LDLRAD3: variants seen among roughly 807,000 people sequenced by gnomAD.
LDLRAD3 encodes low-density lipoprotein receptor class A domain-containing protein 3.
A neutral mutation model predicts 29.4 loss-of-function variants in LDLRAD3; 20 were observed. The ratio of observed to expected loss-of-function variants is 0.68; its 90% CI spans 0.48 to 0.99. The LOEUF is 0.99. LDLRAD3 is among the 50% of genes least tolerant of loss of function. The pLI, the probability that LDLRAD3 is intolerant of heterozygous loss-of-function variation, is 0.00. For missense variants in LDLRAD3, 420 were observed against 454.3 expected (o/e 0.92, Z 0.69); for synonymous variants, 157 against 192.7 (o/e 0.81, Z 1.53).
intron 1 of LDLRAD3, among the ~76,000 whole-genome samples, chr11:36,021,224 G>A (rs535441624): frequency 1.3e-5 from 2 of 152,342 alleles, no homozygotes; most frequent in Admixed American, 1.3e-4. Flanking sequence ...GGCGGTGTTG[G>A]TTTGGAAGTT....
At chr11:36,177,926 T>G (rs1225182881) in intron 4 of LDLRAD3, among the ~76,000 whole-genome samples, 1 of 152,230 alleles carries the variant, frequency 6.6e-6, no homozygotes, top group Non-Finnish European at 1.5e-5. Flanking sequence ...ATAGAGCTCC[T>G]AAGAGATTAT....
chr11:36,002,054 G>T (rs1374749882), intron 1 of LDLRAD3, among the ~76,000 whole-genome samples: 1 of 152,088 alleles, frequency 6.6e-6, no homozygotes, highest in Non-Finnish European at 1.5e-5. Context: ...TTTTGCTGGG[G>T]CTCCTCGTCT....
chr11:36,094,184 T>C (rs958621804), intron 3 of LDLRAD3, among the ~76,000 whole-genome samples: 2 of 152,230 alleles, frequency 1.3e-5, no homozygotes, highest in African/African-American at 4.8e-5. Context: ...CACTGCTTGC[T>C]TTCCTCCCTC....
At chr11:36,144,915 G>A (rs1381842626) in intron 4 of LDLRAD3, among the ~76,000 whole-genome samples, 7 of 97,084 alleles carry the variant, frequency 7.2e-5, no homozygotes, top group Admixed American at 3.8e-4. Flanking sequence ...GCCTCTACCC[G>A]GCCGCCCCTA....
chr11:36,073,800 T>A (rs1852948325), intron 2 of LDLRAD3, among the ~76,000 whole-genome samples: 1 of 152,248 alleles, frequency 6.6e-6, no homozygotes, highest in African/African-American at 2.4e-5. Flanking sequence ...CTAATTCGTT[T>A]ATAATTATTC....
intron 4 of LDLRAD3, among the ~76,000 whole-genome samples, chr11:36,159,481 G>T (rs945441311): frequency 6.6e-6 from 1 of 150,460 alleles, no homozygotes; most frequent in Non-Finnish European, 1.5e-5. Context: ...AAAAGAAAAA[G>T]GAGCCAGATG....
intron 4 of LDLRAD3, among the ~76,000 whole-genome samples, chr11:36,211,132 C>T (rs1855278653): frequency 6.6e-6 from 1 of 152,160 alleles, no homozygotes; most frequent in Non-Finnish European, 1.5e-5. Flanking sequence ...GCTTGATGGG[C>T]CCTAGAGTCA....
intron 1 of LDLRAD3, among the ~76,000 whole-genome samples, chr11:35,960,944 G>A (rs528111465): frequency 3.9e-5 from 6 of 152,302 alleles, no homozygotes; most frequent in Admixed American, 3.9e-4. Context: ...GGGAGTGGTG[G>A]GCTGTGGCCA....
chr11:35,977,360 T>G (rs955325448), intron 1 of LDLRAD3, among the ~76,000 whole-genome samples: 6 of 152,168 alleles, frequency 3.9e-5, no homozygotes, highest in Non-Finnish European at 8.8e-5. Context: ...CACATTTTGT[T>G]GCAAAGAAGA....
At chr11:35,970,425 G>A (rs1851397790) in intron 1 of LDLRAD3, among the ~76,000 whole-genome samples, 1 of 152,198 alleles carries the variant, frequency 6.6e-6, no homozygotes. Context: ...AGGATTGCCA[G>A]CAACCTCCAG....
intron 3 of LDLRAD3, among the ~76,000 whole-genome samples, chr11:36,086,936 C>A (rs1249289545): frequency 6.6e-6 from 1 of 152,126 alleles, no homozygotes; most frequent in East Asian, 1.9e-4. Context: ...TGATGCAGTG[C>A]AAAGGAATAC....
chr11:35,987,312 G>A (rs1469674451), intron 1 of LDLRAD3, among the ~76,000 whole-genome samples: 2 of 152,136 alleles, frequency 1.3e-5, no homozygotes, highest in Non-Finnish European at 2.9e-5. Context: ...TAACATGAGG[G>A]TATTGCAAGA....
chr11:36,132,267 C>T (rs537612281), intron 4 of LDLRAD3, among the ~76,000 whole-genome samples: 89 of 152,118 alleles, frequency 5.9e-4, no homozygotes, highest in Non-Finnish European at 1.1e-3. Context: ...GGCTCCTTTG[C>T]CAAGTCCACT....
At chr11:36,084,096 A>AT (rs11373734) in intron 3 of LDLRAD3, among the ~76,000 whole-genome samples, 41,431 of 150,774 alleles carry the variant, frequency 0.27, 6,042 homozygotes, top group East Asian at 0.37. Context: ...TTTAAAAGCA[A>AT]TTTTTTTTTG....
At chr11:36,191,986 C>A (rs905918173) in intron 4 of LDLRAD3, among the ~76,000 whole-genome samples, 27 of 152,010 alleles carry the variant, frequency 1.8e-4, no homozygotes, top group Non-Finnish European at 2.8e-4. Context: ...GATAATTCCT[C>A]AAACTAAAGA....
intron 4 of LDLRAD3, among the ~76,000 whole-genome samples, chr11:36,135,737 C>A (rs1456893048): frequency 6.6e-6 from 1 of 152,104 alleles, no homozygotes; most frequent in Non-Finnish European, 1.5e-5. Context: ...TGGTGAAACA[C>A]CGTCTCTACT....
At chr11:35,976,396 T>G (rs937010547) in intron 1 of LDLRAD3, among the ~76,000 whole-genome samples, 1 of 152,116 alleles carries the variant, frequency 6.6e-6, no homozygotes, top group East Asian at 1.9e-4. Context: ...TGGGACTTTA[T>G]GGATGTTGGA....
chr11:35,983,683 TGTA>T (rs1239318994), intron 1 of LDLRAD3, among the ~76,000 whole-genome samples: 15 of 152,248 alleles, frequency 9.9e-5, no homozygotes, highest in African/African-American at 3.6e-4. Flanking sequence ...CAGGCTGGAG[TGTA>T]GTGGTGCGAT....
chr11:36,189,497 GAAA>G (rs897645686), intron 4 of LDLRAD3, among the ~76,000 whole-genome samples: 1 of 145,038 alleles, frequency 6.9e-6, no homozygotes, highest in South Asian at 2.2e-4. Context: ...AAATGAAGAA[GAAA>G]AAAAAAACCC....
Sources: gnomAD v4.1 joint callset for allele counts (sites outside exome capture counted in the v4.1 genomes callset) on GRCh38, gnomAD v4.1.1 for gene constraint, MANE v1.5 for transcripts, NCBI Gene and HGNC (gene_info 2026-07-23, HGNC 2026-07-21) for gene names.